FGL1: variants seen among roughly 807,000 people sequenced by gnomAD.
The protein encoded by FGL1 is fibrinogen-like protein 1.
FGL1 carries 59 observed loss-of-function variants against 43.7 expected under a neutral mutation model. The observed-to-expected ratio is 1.35, with a 90% CI of 1.10 to 1.68. The LOEUF (loss-of-function observed/expected upper bound fraction) is 1.68. Among genes scored for constraint, FGL1 ranks in the 40% most tolerant of loss-of-function variants. The pLI, the probability that FGL1 is intolerant of heterozygous loss-of-function variation, is 0.00. For synonymous variants in FGL1, 192 were observed against 126.5 expected (o/e 1.52, Z -3.48); for missense variants, 596 against 373.0 (o/e 1.60, Z -4.92).
At chr8:17,875,539 T>TCTCTCTCTCTCTCTCTCTC (rs1563452393) in intron 3 of FGL1, among the ~76,000 whole-genome samples, 4 of 14,696 alleles carry the variant, frequency 2.7e-4, no homozygotes, top group African/African-American at 7.8e-4. Flanking sequence ...TTCTTTCTCT[T>TCTCTCTCTCTCTCTCTCTC]TCTTTCTTTC....
intron 1 of FGL1, among the ~76,000 whole-genome samples, chr8:17,893,848 G>T: frequency 6.8e-6 from 1 of 146,804 alleles, no homozygotes; most frequent in East Asian, 1.9e-4. Context: ...TGCACATCTG[G>T]CTTACAGTAA....
At chr8:17,886,523 C>T (rs942711131) in intron 1 of FGL1, among the ~76,000 whole-genome samples, 2 of 151,984 alleles carry the variant, frequency 1.3e-5, no homozygotes, top group African/African-American at 4.8e-5. Context: ...TTTGGGAGGT[C>T]GAGGTGGGCA....
chr8:17,864,847 G>A, intron 7 of FGL1, 96 bp from the exon 8 acceptor site: 1 of 1,123,130 alleles, frequency 8.9e-7, no homozygotes, highest in Non-Finnish European at 1.1e-6. Context: ...CAAAATTTTT[G>A]AACTATGAAT....
chr8:17,869,833 G>A (rs1459761574), intron 5 of FGL1, among the ~76,000 whole-genome samples: 4 of 152,216 alleles, frequency 2.6e-5, no homozygotes, highest in African/African-American at 9.6e-5. Flanking sequence ...CAATGGGGCC[G>A]GGGCGGTGGC....
Position 17,886,029 on chromosome 8 carries a change from C to G in FGL1, c.-17-458G>C, listed in dbSNP as rs542827905. ...TTGGCCTCCCAAAGTGCTGGGATTA[C>G]AGGCGTGAGCCACTGCCTAGAGTAA... On this transcript the variant is annotated intron_variant, in intron 1 of 7. Coordinates refer to ENST00000427924, the MANE Select transcript of FGL1 (RefSeq NM_004467.4). 7.9e-5 allele frequency among the ~76,000 whole-genome samples: 12 copies of G among 152,282 alleles called. No individual in the cohort carries two copies. In the South Asian group the frequency reaches 8.3e-4, roughly 11 times the overall value.
At chr8:17,877,205 G>A (rs552761597) in intron 3 of FGL1, among the ~76,000 whole-genome samples, 1 of 152,040 alleles carries the variant, frequency 6.6e-6, no homozygotes, top group South Asian at 2.1e-4. Context: ...GAAAGGCAAG[G>A]TTAAAGAGCT....
intron 1 of FGL1, 98 bp from the exon 2 acceptor site, chr8:17,885,669 G>C: frequency 1.1e-6 from 1 of 914,182 alleles, no homozygotes; most frequent in Non-Finnish European, 1.7e-6. Flanking sequence ...GGATGCAGCC[G>C]CAGGCCATCC....
chr8:17,875,336 TC>T (rs1361366610), intron 3 of FGL1, among the ~76,000 whole-genome samples: 4 of 152,172 alleles, frequency 2.6e-5, no homozygotes, highest in African/African-American at 9.7e-5. Flanking sequence ...CACTGAAGTT[TC>T]TAAAAGTCCA....
intron 3 of FGL1, among the ~76,000 whole-genome samples, chr8:17,875,535 C>CTTTCTTTCTT (rs1554564386): frequency 1.6e-4 from 4 of 25,482 alleles, no homozygotes; most frequent in East Asian, 8.1e-4. Context: ...TTCTTTCTTT[C>CTTTCTTTCTT]TCTTTCTTTC....
intron 2 of FGL1, among the ~76,000 whole-genome samples, chr8:17,885,081 C>A (rs1253289482): frequency 6.6e-6 from 1 of 151,276 alleles, no homozygotes; most frequent in African/African-American, 2.4e-5. Context: ...CACTCTGTCG[C>A]CCAGGCTGGA....
At chr8:17,879,607 A>C (rs2053504939) in intron 3 of FGL1, among the ~76,000 whole-genome samples, 2 of 152,076 alleles carry the variant, frequency 1.3e-5, no homozygotes, top group Non-Finnish European at 1.5e-5. Context: ...TGTTCCCACC[A>C]TGTGAGATGT....
chr8:17,880,287 G>A (rs1475502205), intron 3 of FGL1, among the ~76,000 whole-genome samples: 1 of 152,036 alleles, frequency 6.6e-6, no homozygotes, highest in Non-Finnish European at 1.5e-5. Flanking sequence ...TAAGGATCTT[G>A]GTAGAAAAAA....
chr8:17,883,639 A>G (rs1016022009), intron 2 of FGL1, among the ~76,000 whole-genome samples: 1 of 144,896 alleles, frequency 6.9e-6, no homozygotes, highest in African/African-American at 2.5e-5. Flanking sequence ...TATCAAATAC[A>G]TATGCATATA....
At chr8:17,893,992 G>A (rs1465907481) in intron 1 of FGL1, among the ~76,000 whole-genome samples, 1 of 145,980 alleles carries the variant, frequency 6.9e-6, no homozygotes, top group Non-Finnish European at 1.5e-5. Flanking sequence ...GTTCTTTGGT[G>A]GACTATATTA....
chr8:17,895,343 A>G lies in FGL1; in HGVS notation c.-18+104T>C. 1.3e-5 allele frequency: 15 copies of G among 1,174,532 alleles called. 1 individual carries two copies. The South Asian group carries it at 2.5e-4, about 20-fold the overall frequency. The allele number at this position is 1,174,532 out of a possible 1,614,324, so 72.8% of individuals were successfully genotyped here. A position where few individuals can be genotyped will look rare whatever the true frequency, so the allele number is the denominator to read the frequency against. On this transcript the variant is annotated intron_variant, in intron 1 of 7. Transcript: ENST00000427924. The stretch of plus-strand genomic sequence containing the variant: ...CTTGCTAGTCAACCTGACTTCTTGC[A>G]AAAGCTAATGGTTGTTACCTGAGTT...
intron 2 of FGL1, among the ~76,000 whole-genome samples, chr8:17,883,755 CCT>C (rs2053585806): frequency 6.8e-6 from 1 of 147,740 alleles, no homozygotes; most frequent in Admixed American, 6.9e-5. Flanking sequence ...AGTCATGGAA[CCT>C]CTCCCAGCCA....
At chr8:17,880,992 T>G (rs2053525359) in intron 3 of FGL1, among the ~76,000 whole-genome samples, 1 of 152,228 alleles carries the variant, frequency 6.6e-6, no homozygotes, top group African/African-American at 2.4e-5. Context: ...TTCCTTTTTC[T>G]GCTCCTTTAT....
chr8:17,891,152 T>G (rs1390291239), intron 1 of FGL1: 17 of 152,200 alleles, frequency 1.1e-4, no homozygotes, highest in Non-Finnish European at 2.9e-5. Context: ...TATACTGCCC[T>G]AATGCTAGGT....
rs112679601 is a variant in FGL1 at position 17,870,904 on chromosome 8, CA to C, written c.503-1901del. 5.3e-4 allele frequency among the ~76,000 whole-genome samples: 73 copies of C among 138,328 alleles called. 1 individual carries two copies. The highest frequency in any genetic ancestry group is 6.3e-4 in the East Asian group (3 of 4,768). 90.7% of individuals were successfully genotyped at this position (138,328 alleles called of 152,430 possible). A position where few individuals can be genotyped will look rare whatever the true frequency, so the allele number is the denominator to read the frequency against. ...CTGGCTACAGAGTGAGACTCTGTCT[CA>C]AAAAAAAAAAGCCATTTTTTAGCCT... On this transcript the variant is annotated intron_variant, in intron 5 of 7. Coordinates refer to ENST00000427924, the MANE Select transcript of FGL1 (RefSeq NM_004467.4).
Sources: gnomAD v4.1 joint callset for allele counts (sites outside exome capture counted in the v4.1 genomes callset) on GRCh38, gnomAD v4.1.1 for gene constraint, MANE v1.5 for transcripts, NCBI Gene and HGNC (gene_info 2026-07-23, HGNC 2026-07-21) for gene names.